Variants in ROBO2 observed in about 807,000 individuals in gnomAD.
ROBO2 encodes the protein roundabout guidance receptor 2.
A neutral mutation model predicts 160.8 loss-of-function variants in ROBO2; 53 were observed. The observed-to-expected ratio is 0.33, with a 90% CI of 0.26 to 0.41. ROBO2 has a LOEUF of 0.41. Ranked by LOEUF, ROBO2 falls within the 10% of genes least tolerant of loss-of-function variation. The pLI is 1.00. For missense variants in ROBO2, 1,577 were observed against 1,722.4 expected (o/e 0.92, Z 1.49); for synonymous variants, 664 against 611.7 (o/e 1.09, Z -1.26).
At chr3:76,390,459 A>T (rs1176077553) in intron 2 of ROBO2, among the ~76,000 whole-genome samples, 1 of 152,152 alleles carries the variant, frequency 6.6e-6, no homozygotes, top group East Asian at 1.9e-4. Flanking sequence ...TACATTAAAG[A>T]GATTCTTTTT....
At chr3:76,948,520 T>A in intron 2 of ROBO2, among the ~76,000 whole-genome samples, 1 of 151,452 alleles carries the variant, frequency 6.6e-6, no homozygotes, top group Non-Finnish European at 1.5e-5. Context: ...GGGACTTTGC[T>A]TTTTAGTTGT....
intron 2 of ROBO2, among the ~76,000 whole-genome samples, chr3:76,181,527 C>A (rs2107104028): frequency 6.6e-6 from 1 of 152,224 alleles, no homozygotes. Flanking sequence ...AATGTGATAA[C>A]TAGCGTACAT....
At chr3:77,300,699 C>A (rs891814927) in intron 2 of ROBO2, among the ~76,000 whole-genome samples, 2 of 151,960 alleles carry the variant, frequency 1.3e-5, no homozygotes, top group African/African-American at 2.4e-5. Flanking sequence ...TTCTCACTAT[C>A]TCCTCTCTGC....
rs113150938 is a variant in ROBO2, at chr3:76,588,709, T to G, written c.110-509305T>G. ...CCTGCACAAAGTGAGATATATAACT[T>G]ACTTTTGAGTTGAAGATATACTTTG... On this transcript the variant is annotated intron_variant, in intron 2 of 26. Transcript: ENST00000487694. Among the ~76,000 whole-genome samples the G allele has an allele frequency of 2.9e-3, 445 of 152,334 alleles. 1 individual carries two copies. The highest frequency in any genetic ancestry group is 1.0e-2 in the African/African-American group (414 of 41,586).
intron 1 of ROBO2, among the ~76,000 whole-genome samples, chr3:77,065,358 C>T (rs2066731895): frequency 6.6e-6 from 1 of 152,134 alleles, no homozygotes; most frequent in Non-Finnish European, 1.5e-5. Context: ...TTTTTCTTAA[C>T]AAGTAATGAA....
intron 2 of ROBO2, among the ~76,000 whole-genome samples, chr3:77,422,849 C>T (rs1254436367): frequency 1.3e-5 from 2 of 152,142 alleles, no homozygotes; most frequent in African/African-American, 2.4e-5. Flanking sequence ...TTTATGAATA[C>T]TCAAGTACCC....
chr3:77,200,321 A>ATATTTT (rs1491568129), intron 2 of ROBO2, among the ~76,000 whole-genome samples: 1 of 54,914 alleles, frequency 1.8e-5, no homozygotes, highest in East Asian at 4.9e-4. Flanking sequence ...ATATATATAT[A>ATATTTT]TTTTAGTTTC....
At position 77,495,929 on chromosome 3, in the gene ROBO2, GT is replaced by G. The variant is rs1301057904; in HGVS notation, c.806+2549del. 6.6e-5 allele frequency among the ~76,000 whole-genome samples: 10 copies of G among 152,288 alleles called. No individual in the cohort carries two copies. The East Asian group carries it at 1.9e-3, about 29-fold the overall frequency. ...TGATTATTTCCAGCTTAATGTAGGT[GT>G]TAGGTCATAAACCTGACAACTTAAG... On this transcript the variant is annotated intron_variant, in intron 5 of 25. Transcript: ENST00000461745.
At chr3:76,675,317 A>C (rs1423255149) in intron 2 of ROBO2, among the ~76,000 whole-genome samples, 1 of 152,186 alleles carries the variant, frequency 6.6e-6, no homozygotes, top group Non-Finnish European at 1.5e-5. Context: ...TCCTTGCCAC[A>C]TTCCCAAGTA....
intron 2 of ROBO2, among the ~76,000 whole-genome samples, chr3:76,863,193 G>A (rs1439317537): frequency 2.0e-5 from 3 of 152,018 alleles, no homozygotes; most frequent in African/African-American, 4.8e-5. Flanking sequence ...GCAATTTCTG[G>A]AAGTTGTTCA....
At chr3:77,584,504 A>G (rs1368115254) in intron 16 of ROBO2, among the ~76,000 whole-genome samples, 1 of 152,194 alleles carries the variant, frequency 6.6e-6, no homozygotes, top group Non-Finnish European at 1.5e-5. Context: ...TGATGCATAT[A>G]AAGCTGACTG....
At chr3:76,635,759 T>G (rs1282473371) in intron 2 of ROBO2, among the ~76,000 whole-genome samples, 1 of 152,256 alleles carries the variant, frequency 6.6e-6, no homozygotes, top group Non-Finnish European at 1.5e-5. Context: ...AGATTCATGA[T>G]TCAACTTGGC....
intron 2 of ROBO2, among the ~76,000 whole-genome samples, chr3:76,975,357 T>C (rs1330791861): frequency 4.6e-5 from 7 of 152,018 alleles, no homozygotes; most frequent in Admixed American, 4.6e-4. Flanking sequence ...ATGTAAAAAT[T>C]AGCCAGGCAT....
intron 2 of ROBO2, among the ~76,000 whole-genome samples, chr3:76,588,186 T>C (rs1032857483): frequency 6.6e-6 from 1 of 152,196 alleles, no homozygotes; most frequent in Non-Finnish European, 1.5e-5. Flanking sequence ...TCAATCTGTG[T>C]CACTCATTTG....
intron 2 of ROBO2, among the ~76,000 whole-genome samples, chr3:77,448,201 C>A (rs62249859): frequency 0.08 from 12,133 of 152,062 alleles, 561 homozygotes; most frequent in African/African-American, 0.11. Flanking sequence ...CTTGCTGATT[C>A]CACATTTGAC....
chr3:77,212,421 A>T (rs1453068907), intron 2 of ROBO2, among the ~76,000 whole-genome samples: 1 of 152,088 alleles, frequency 6.6e-6, no homozygotes, highest in Non-Finnish European at 1.5e-5. Flanking sequence ...TTGGACATTG[A>T]TTTTGTATCC....
At chr3:77,316,910 A>G (rs2064050707) in intron 2 of ROBO2, 1 of 1,181,542 alleles carries the variant, frequency 8.5e-7, no homozygotes, top group East Asian at 2.3e-5. Flanking sequence ...GTGGAGAAGC[A>G]GGCATGAGGG....
At chr3:76,214,373 A>C (rs546024517) in intron 2 of ROBO2, among the ~76,000 whole-genome samples, 72 of 152,324 alleles carry the variant, frequency 4.7e-4, no homozygotes, top group Non-Finnish European at 5.9e-4. Flanking sequence ...GCATTGCCTC[A>C]CCCAGGAAGC....
intron 2 of ROBO2, among the ~76,000 whole-genome samples, chr3:76,905,030 CTT>C (rs2075500288): frequency 6.6e-6 from 1 of 152,066 alleles, no homozygotes. Context: ...CAAACTTTTT[CTT>C]TCTTTCTGTT....
Sources: gnomAD v4.1 joint callset for allele counts (sites outside exome capture counted in the v4.1 genomes callset) on GRCh38, gnomAD v4.1.1 for gene constraint, MANE v1.5 for transcripts, NCBI Gene and HGNC (gene_info 2026-07-23, HGNC 2026-07-21) for gene names.